OSBPL10: variants seen among roughly 807,000 people sequenced by gnomAD.
OSBPL10 encodes oxysterol-binding protein-related protein 10.
OSBPL10 carries 49 observed loss-of-function variants against 81.7 expected under a neutral mutation model. The ratio of observed to expected loss-of-function variants is 0.60; its 90% CI spans 0.48 to 0.76. The LOEUF is 0.76. Ranked by LOEUF, OSBPL10 falls within the 30% of genes least tolerant of loss-of-function variation. OSBPL10 has a pLI of 0.00. For missense variants in OSBPL10, 923 were observed against 987.8 expected (o/e 0.93, Z 0.88); for synonymous variants, 419 against 383.6 (o/e 1.09, Z -1.08).
chr3:31,932,051 CAAAT>C (rs1023494581), intron 1 of OSBPL10, among the ~76,000 whole-genome samples: 11 of 151,210 alleles, frequency 7.3e-5, no homozygotes, highest in African/African-American at 1.9e-4. Context: ...CAAAAATAAA[CAAAT>C]AAATAATCTT....
intron 2 of OSBPL10, among the ~76,000 whole-genome samples, chr3:31,992,650 T>C (rs980749150): frequency 1.3e-5 from 2 of 152,186 alleles, no homozygotes; most frequent in African/African-American, 4.8e-5. Flanking sequence ...TGAGCACACC[T>C]GGATGATCTT....
At chr3:31,716,411 A>G (rs891629677) in intron 6 of OSBPL10, among the ~76,000 whole-genome samples, 1 of 152,146 alleles carries the variant, frequency 6.6e-6, no homozygotes, top group Non-Finnish European at 1.5e-5. Flanking sequence ...CAAACTCTAT[A>G]CCCACTGAAC....
intron 2 of OSBPL10, chr3:31,990,232 C>G (rs1488832545): frequency 1.9e-6 from 3 of 1,613,908 alleles, no homozygotes; most frequent in Non-Finnish European, 2.5e-6. Context: ...GCAGTCAACA[C>G]TTATTCACCA....
intron 4 of OSBPL10, among the ~76,000 whole-genome samples, chr3:31,774,305 T>C (rs1482975792): frequency 6.6e-6 from 1 of 152,092 alleles, no homozygotes; most frequent in Non-Finnish European, 1.5e-5. Context: ...GAAGAAGTTA[T>C]AGCTTTGTAT....
chr3:31,838,828 A>C (rs1203079542), intron 3 of OSBPL10, among the ~76,000 whole-genome samples: 1 of 152,254 alleles, frequency 6.6e-6, no homozygotes, highest in Non-Finnish European at 1.5e-5. Flanking sequence ...TAATACTTTA[A>C]ATTGTTTATA....
chr3:31,730,466 C>A (rs1030077007), intron 6 of OSBPL10, among the ~76,000 whole-genome samples: 9 of 151,964 alleles, frequency 5.9e-5, no homozygotes, highest in African/African-American at 2.2e-4. Flanking sequence ...CACGGAAAAC[C>A]TTTTTCTATC....
chr3:31,745,535 G>C (rs772049517), intron 5 of OSBPL10, among the ~76,000 whole-genome samples: 2 of 152,092 alleles, frequency 1.3e-5, no homozygotes, highest in South Asian at 2.1e-4. Context: ...TATAATGCTC[G>C]CAAGACACGG....
intron 3 of OSBPL10, among the ~76,000 whole-genome samples, chr3:31,870,818 C>G (rs904211291): frequency 6.7e-6 from 1 of 150,228 alleles, no homozygotes; most frequent in African/African-American, 2.5e-5. Flanking sequence ...CTGTATCTAG[C>G]TCAAGGTTTG....
chr3:32,009,967 T>C (rs1161375852), intron 2 of OSBPL10, among the ~76,000 whole-genome samples: 1 of 152,226 alleles, frequency 6.6e-6, no homozygotes, highest in Non-Finnish European at 1.5e-5. Flanking sequence ...CAGATTCATA[T>C]GCTGAATCCC....
chr3:31,843,095 A>G (rs1700540027), intron 3 of OSBPL10, among the ~76,000 whole-genome samples: 1 of 152,224 alleles, frequency 6.6e-6, no homozygotes, highest in Non-Finnish European at 1.5e-5. Context: ...TGGTACACAG[A>G]CAGCATGAGG....
In OSBPL10 at chr3:31,872,452, G is replaced by GTT. The variant is rs5847722; in HGVS notation, c.537+3979_537+3980dup. ...CAATACGTGTTTTGTTTTTGTTGTT[G>GTT]TTTTTTTTTTTTTTTTAAGTCTGGG... On this transcript the variant is annotated intron_variant, in intron 3 of 11. Coordinates refer to ENST00000396556, the MANE Select transcript of OSBPL10 (RefSeq NM_017784.5). Among the ~76,000 whole-genome samples the GTT allele has an allele frequency of 1.0e-3, 141 of 136,972 alleles. 1 individual carries two copies. The highest frequency in any genetic ancestry group is 3.2e-3 in the African/African-American group (122 of 38,032). The allele number at this position is 136,972 out of a possible 152,430, so 89.9% of individuals were successfully genotyped here. A position where few individuals can be genotyped will look rare whatever the true frequency, so the allele number is the denominator to read the frequency against.
upstream of OSBPL10, among the ~76,000 whole-genome samples, chr3:31,983,451 A>T (rs998428689): frequency 6.6e-6 from 1 of 152,254 alleles, no homozygotes; most frequent in African/African-American, 2.4e-5. Context: ...GGACTAAAAA[A>T]TTAGACCCTT....
chr3:31,792,380 G>A (rs1266601483), intron 4 of OSBPL10, among the ~76,000 whole-genome samples: 1 of 152,158 alleles, frequency 6.6e-6, no homozygotes, highest in Non-Finnish European at 1.5e-5. Flanking sequence ...GCTTTTCCAA[G>A]TTTTCAAAGT....
At position 31,966,193 on chromosome 3, in the gene OSBPL10, G is replaced by A. The variant is rs183226081; in HGVS notation, c.281+14706C>T. ...TGTGTGTGTGTGTGTGTGTGTGTGT[G>A]TATTCACACTTCTAAATAATTCATG... On this transcript the variant is annotated intron_variant, in intron 1 of 11. Coordinates refer to ENST00000396556, the MANE Select transcript of OSBPL10 (RefSeq NM_017784.5). 3.1e-3 allele frequency among the ~76,000 whole-genome samples: 428 copies of A among 138,698 alleles called. 4 individuals carry two copies. Among genetic ancestry groups the A allele is most frequent in the African/African-American group, 0.011 (398 of 36,598 alleles). The allele number at this position is 138,698 out of a possible 152,430, so 91.0% of individuals were successfully genotyped here.
chr3:31,673,854 C>T (rs1242081686), intron 8 of OSBPL10, among the ~76,000 whole-genome samples: 4 of 151,960 alleles, frequency 2.6e-5, no homozygotes, highest in African/African-American at 7.3e-5. Flanking sequence ...AGTGCAGTGG[C>T]GCGATCATGG....
chr3:31,690,601 C>A (rs1695506356), intron 7 of OSBPL10, among the ~76,000 whole-genome samples: 1 of 152,190 alleles, frequency 6.6e-6, no homozygotes. Context: ...AAATTGTGGA[C>A]TGAGGGAATA....
At chr3:31,771,134 A>AC (rs1472405278) in intron 4 of OSBPL10, among the ~76,000 whole-genome samples, 1 of 152,238 alleles carries the variant, frequency 6.6e-6, no homozygotes, top group African/African-American at 2.4e-5. Flanking sequence ...AGCAAGTGTT[A>AC]CGTAAGTGTT....
intron 3 of OSBPL10, among the ~76,000 whole-genome samples, chr3:31,854,297 G>A (rs1160310356): frequency 6.6e-6 from 1 of 152,028 alleles, no homozygotes; most frequent in Non-Finnish European, 1.5e-5. Flanking sequence ...ACAATACACT[G>A]TGCGCCTCAC....
intron 4 of OSBPL10, among the ~76,000 whole-genome samples, chr3:31,751,378 AT>A (rs1044504675): frequency 1.4e-4 from 2 of 13,860 alleles, no homozygotes; most frequent in African/African-American, 1.2e-3. Flanking sequence ...AAACAAACAA[AT>A]AAAATAAAAT....
Sources: allele counts gnomAD v4.1 joint callset (sites outside exome capture counted in the v4.1 genomes callset), GRCh38; gene constraint gnomAD v4.1.1; transcripts MANE v1.5; gene names NCBI Gene and HGNC (gene_info 2026-07-23, HGNC 2026-07-21).